The following VPS33B variants were observed in gnomAD, a reference collection of about 807,000 sequenced individuals.
The protein encoded by VPS33B is VPS33B late endosome and lysosome associated.
Under a neutral mutation model 95.3 loss-of-function variants are expected in VPS33B, and 80 were observed. The observed-to-expected ratio is 0.84, with a 90% confidence interval of 0.70 to 1.01. The LOEUF is 1.01. Ranked by LOEUF, VPS33B falls within the 50% of genes least tolerant of loss-of-function variation. VPS33B has a pLI of 0.00. For missense variants in VPS33B, 715 were observed against 773.4 expected, an observed-to-expected ratio of 0.92 and a Z score of 0.90; for synonymous variants, 280 against 280.4, an observed-to-expected ratio of 1.00 and a Z score of 0.01.
In VPS33B at chr15:91,007,689, G is replaced by A; in HGVS notation, c.499-116C>T. On this transcript the variant is annotated intron_variant, in intron 7 of 22. Transcript: ENST00000333371. The surrounding 1 kb of genome is among the most constrained non-coding windows in gnomAD (Gnocchi z 5.3). ...GCAGGGCCTGGGGGATGCTTGAAAG[G>A]TTTTCATTGGCTCCACAGGAAGTCC... is the stretch of plus-strand genomic sequence containing the variant. 1 of 1,256,684 alleles carries A rather than the reference G, an allele frequency of 8.0e-7. No individual in the cohort carries two copies. The highest frequency in any genetic ancestry group is 1.2e-6 in the Non-Finnish European group (1 of 860,822). The allele number at this position is 1,256,684 out of a possible 1,614,324, so 77.8% of individuals were successfully genotyped here.
At position 91,005,351 on chromosome 15, in the gene VPS33B, C is replaced by G. The variant is rs2040569783; in HGVS notation, c.1105+29G>C. On this transcript the variant is annotated intron_variant, in intron 14 of 22. Coordinates refer to ENST00000333371, the MANE Select transcript of VPS33B (RefSeq NM_018668.5). This position sits in a 1 kb window ranked among gnomAD's most constrained non-coding sequence, Gnocchi z 6.4. ...GGAGCTGGGGAAGTAGAAGCGTGGG[C>G]AGTAGCACAGCAAGGCTGCGGCAGT... 2 of 1,613,976 alleles carry G rather than the reference C, an allele frequency of 1.2e-6. No homozygotes were observed. The highest frequency in any genetic ancestry group is 1.7e-6 in the Non-Finnish European group (2 of 1,180,020).
At position 91,007,889 on chromosome 15, in the gene VPS33B, A is replaced by T. The variant is rs551566095; in HGVS notation, c.479T>A (p.Phe160Tyr). Residue 160 changes from phenylalanine (F) to tyrosine (Y), a missense_variant, in exon 7 of 23, where the codon TTT becomes TAT. By Grantham distance (22) the Phe-to-Tyr change is conservative (BLOSUM62 3). Transcript: ENST00000333371. The surrounding 1 kb of genome is among the most constrained non-coding windows in gnomAD (Gnocchi z 5.3). ...VDLLSMELPE[F>Y]FRDYFLEGDQ... Reference sequence around the variant, plus strand: ...ATTTACCAGAAAGTAATCCCTGAAAAATTCTGGTAGTTCCATGCTCAGCAG... The same window carrying T: ...ATTTACCAGAAAGTAATCCCTGAAATATTCTGGTAGTTCCATGCTCAGCAG... 2.5e-6 allele frequency: 4 copies of T among 1,614,178 alleles called. No homozygotes were observed. The highest frequency in any genetic ancestry group is 3.3e-5 in the Admixed American group (2 of 60,024).
rs1165446133 is a variant in VPS33B at position 91,013,409 on chromosome 15, A to G, written c.357+395T>C. 2.0e-5 allele frequency among the ~76,000 whole-genome samples: 3 copies of G among 152,230 alleles called. No individual in the cohort carries two copies. The highest frequency in any genetic ancestry group is 7.2e-5 in the African/African-American group (3 of 41,460). On this transcript the variant is annotated intron_variant, in intron 5 of 22. Transcript: ENST00000333371. This position sits in a 1 kb window ranked among gnomAD's most constrained non-coding sequence, Gnocchi z 4.5. ...CTGTTGGAAACTGAATCTGCAGTGC[A>G]ACAGTGTTGGGAGGTGCAGCCTAAT...
Position 91,013,689 on chromosome 15 carries a change from G to A in VPS33B, c.357+115C>T. On this transcript the variant is annotated intron_variant, in intron 5 of 22. Coordinates refer to ENST00000333371, the MANE Select transcript of VPS33B (RefSeq NM_018668.5). This position sits in a 1 kb window ranked among gnomAD's most constrained non-coding sequence, Gnocchi z 4.5. The stretch of plus-strand genomic sequence containing the variant: ...TAAATTACCTAGTCTCAGGTATTCT[G>A]TTACAGCAACAGAAAACGAACGGAG... The A allele has an allele frequency of 1.9e-6, 2 of 1,080,292 alleles. No individual in the cohort carries two copies. The highest frequency in any genetic ancestry group is 2.9e-6 in the Non-Finnish European group (2 of 700,900). 66.9% of individuals were successfully genotyped at this position (1,080,292 alleles called of 1,614,324 possible).
chr15:91,002,203 C>G lies in VPS33B; in HGVS notation c.1273-21G>C. 6.2e-7 allele frequency: 1 copy of G among 1,613,912 alleles called. No individual in the cohort carries two copies. Among genetic ancestry groups the G allele is most frequent in the Non-Finnish European group, 8.5e-7 (1 of 1,179,922 alleles). On this transcript the variant is annotated intron_variant, in intron 17 of 22. Coordinates refer to ENST00000333371, the MANE Select transcript of VPS33B (RefSeq NM_018668.5). This position sits in a 1 kb window ranked among gnomAD's most constrained non-coding sequence, Gnocchi z 4.7. The stretch of plus-strand genomic sequence containing the variant: ...TAGCTCTGAAGAAGATGCAATTAGA[C>G]TATTTACTGAGTGTCCAAAGAGCAT...
intron 17 of VPS33B, 73 bp downstream of exon 17, chr15:91,003,012 C>T (rs1398491305): frequency 3.2e-6 from 5 of 1,540,590 alleles, no homozygotes; most frequent in Non-Finnish European, 4.5e-6. Context: ...GGCCACTTCT[C>T]TTGCCTCTTT....
rs751858602 is a variant in VPS33B at position 91,000,573 on chromosome 15, C to A, written c.1498G>T (p.Glu500Ter). Residue 500 changes from glutamate (E) to a stop codon, truncating the protein, a stop_gained, in exon 20 of 23, where the codon GAG (glutamate) becomes TAG (stop). Coordinates refer to ENST00000333371, the MANE Select transcript of VPS33B (RefSeq NM_018668.5). LOFTEE classifies it high-confidence loss of function. This position sits in a 1 kb window ranked among gnomAD's most constrained non-coding sequence, Gnocchi z 4.9. The part of the protein sequence containing the change: ...KLNLIPRVDG[E>*]YDLKVPRDMA... ...TCTCGGGGCACTTTCAGATCATACT[C>A]GCCGTCCACACGTGGGATCTGTAAG... 1.1e-5 allele frequency: 17 copies of A among 1,612,856 alleles called. No homozygotes were observed. In the Admixed American group the frequency reaches 2.8e-4, roughly 27 times the overall value.
chr15:91,022,240 G>A lies in VPS33B; in HGVS notation c.10C>T (p.Pro4Ser). 1 of 1,573,992 alleles carries A rather than the reference G, an allele frequency of 6.4e-7. No homozygotes were observed. The highest frequency in any genetic ancestry group is 8.7e-7 in the Non-Finnish European group (1 of 1,155,608). ...AGCTCAGGGGCGTCCGGCCGATGGG[G>A]AAAAGCCATGGCAGCGGTCACCTGC... Reference protein sequence around the residue: MAFPHRPDAPELPD... With the variant: MAFSHRPDAPELPD... The change falls in exon 1 of 23, where the codon CCC becomes TCC. Residue 4 changes from proline to serine, a missense_variant. Physicochemically the swap from Pro to Ser is moderately conservative, Grantham distance 74 (BLOSUM62 -1). Transcript: ENST00000333371.
At chr15:91,012,749 G>C (rs1249061693) in intron 5 of VPS33B, among the ~76,000 whole-genome samples, 1 of 152,152 alleles carries the variant, frequency 6.6e-6, no homozygotes, top group Non-Finnish European at 1.5e-5. Context: ...AGCTGATGTG[G>C]AGGTGAGAGG....
At position 91,002,857 on chromosome 15, in the gene VPS33B, T is replaced by A. The variant is rs111350605; in HGVS notation, c.1272+228A>T. On this transcript the variant is annotated intron_variant, in intron 17 of 22. Coordinates refer to ENST00000333371, the MANE Select transcript of VPS33B (RefSeq NM_018668.5). This position sits in a 1 kb window ranked among gnomAD's most constrained non-coding sequence, Gnocchi z 4.7. ...ACACTGGGGCCAGCACTGAAATGTT[T>A]AATTCTCAGCACTGGCCATGCGCCG... 6.6e-6 allele frequency among the ~76,000 whole-genome samples: 1 copy of A among 152,004 alleles called. No individual in the cohort carries two copies.
At chr15:91,017,135 G>C (rs1314940571) in intron 2 of VPS33B, 111 bp from the exon 3 acceptor site, 3 of 1,015,302 alleles carry the variant, frequency 3.0e-6, no homozygotes, top group African/African-American at 3.2e-5. Flanking sequence ...TAATTATTGA[G>C]GGCTTCCTAA....
Position 90,999,732 on chromosome 15 carries a change from C to G in VPS33B, c.1719G>C (p.Leu573Phe), listed in dbSNP as rs2040379043. Residue 573 changes from leucine (L) to phenylalanine (F), a missense_variant, in exon 22 of 23, where the codon TTG (leucine) becomes TTC (phenylalanine). By Grantham distance (22) the Leu-to-Phe change is conservative (BLOSUM62 0). Transcript: ENST00000333371. The surrounding 1 kb of genome is among the most constrained non-coding windows in gnomAD (Gnocchi z 5.1). Reference sequence around the variant, plus strand: ...AGATCTCAGAGAATGTACAACCACCCAAGAACACCACCAAGATGAGGCGCA... The same window carrying G: ...AGATCTCAGAGAATGTACAACCACCGAAGAACACCACCAAGATGAGGCGCA... ...ESLRLILVVF[L>F]GGCTFSEISA... The G allele has an allele frequency of 6.2e-7, 1 of 1,614,192 alleles. No homozygotes were observed. The highest frequency in any genetic ancestry group is 2.2e-5 in the East Asian group (1 of 44,886).
At position 91,015,472 on chromosome 15, in the gene VPS33B, G is replaced by A. The variant is rs2040898432; in HGVS notation, c.240-1039C>T. ...AGGAGTGCGGATCACCTGAGGTCAA[G>A]AGTTCAAGACCAGCCTGGCCAACAT... On this transcript the variant is annotated intron_variant, in intron 3 of 22. Transcript: ENST00000333371. This position sits in a 1 kb window ranked among gnomAD's most constrained non-coding sequence, Gnocchi z 4.7. Among the ~76,000 whole-genome samples the A allele has an allele frequency of 6.6e-6, 1 of 151,986 alleles. No individual in the cohort carries two copies. The highest frequency in any genetic ancestry group is 1.5e-5 in the Non-Finnish European group (1 of 68,024).
rs994847156 is a variant in VPS33B, at chr15:91,005,418, G to A, written c.1067C>T (p.Thr356Ile). Residue 356 changes from threonine to isoleucine, a missense_variant, in exon 14 of 23, where the codon ACC (threonine) becomes ATC (isoleucine). Coordinates refer to ENST00000333371, the MANE Select transcript of VPS33B (RefSeq NM_018668.5). This position sits in a 1 kb window ranked among gnomAD's most constrained non-coding sequence, Gnocchi z 6.4. ...GACESIMKKK[T>I]KQDFQELIKT... ...GATTAGCTCCTGGAAATCCTGCTTG[G>A]TTTTCTTCTTCATGATGGATTCACA... 5 of 1,613,940 alleles carry A rather than the reference G, an allele frequency of 3.1e-6. No individual in the cohort carries two copies. The highest frequency in any genetic ancestry group is 1.3e-5 in the African/African-American group (1 of 74,872).
At chr15:91,017,208 A>G (rs2040953360) in intron 2 of VPS33B, 184 bp from the exon 3 acceptor site, 3 of 627,336 alleles carry the variant, frequency 4.8e-6, no homozygotes, top group Middle Eastern at 3.0e-4. Context: ...GTCAATAGAA[A>G]AACCTAAAAT....
Position 90,999,963 on chromosome 15 carries a change from G to T in VPS33B, c.1594C>A (p.Arg532=). ...CRIIEQVLER[R]SWQGLDEVVR... is the part of the protein sequence containing the mutation. ...ACCTCATCAAGGCCCTGCCAGCTTC[G>T]CCGCTCTAGCACCTGGGAAGGTGTA... Residue 532 remains arginine (R), a synonymous_variant, in exon 21 of 23, where the codon CGA becomes AGA. Transcript: ENST00000333371. The surrounding 1 kb of genome is among the most constrained non-coding windows in gnomAD (Gnocchi z 5.1). 6.2e-7 allele frequency: 1 copy of T among 1,614,148 alleles called. No individual in the cohort carries two copies.
chr15:91,017,976 T>A (rs892412588), intron 1 of VPS33B, 91 bp from the exon 2 acceptor site: 26 of 1,177,224 alleles, frequency 2.2e-5, no homozygotes, highest in Non-Finnish European at 3.2e-5. Flanking sequence ...ACAGAAACAG[T>A]CTCTGAGGTG....
intron 3 of VPS33B, among the ~76,000 whole-genome samples, chr15:91,016,605 A>G (rs2040935055): frequency 6.6e-6 from 1 of 152,010 alleles, no homozygotes; most frequent in Non-Finnish European, 1.5e-5. Flanking sequence ...GCTGGTCTCT[A>G]TCTCCTGACC....
Position 91,014,318 on chromosome 15 carries a change from T to C in VPS33B, c.289+66A>G, listed in dbSNP as rs371397566. On this transcript the variant is annotated intron_variant, in intron 4 of 22. Coordinates refer to ENST00000333371, the MANE Select transcript of VPS33B (RefSeq NM_018668.5). ...TTATTTTCTTATTAGAGGGTCCTTATGGCCAAGGCCCTTAGATTTTGCCCG... is the reference window on the plus strand; with the variant it reads ...TTATTTTCTTATTAGAGGGTCCTTACGGCCAAGGCCCTTAGATTTTGCCCG... 5.3e-5 allele frequency: 82 copies of C among 1,547,594 alleles called. No homozygotes were observed. The African/African-American group carries it at 5.8e-4, about 11-fold the overall frequency.
Sources: allele counts gnomAD v4.1 joint callset (sites outside exome capture counted in the v4.1 genomes callset), GRCh38; gene constraint gnomAD v4.1.1; non-coding constraint Gnocchi (gnomAD v3.1); transcripts MANE v1.5; gene names NCBI Gene and HGNC (gene_info 2026-07-23, HGNC 2026-07-21).